The following STK3 variants were observed in gnomAD, a reference collection of about 807,000 sequenced individuals.
The protein encoded by STK3 is serine/threonine-protein kinase 3.
Under a neutral mutation model 58.0 loss-of-function variants are expected in STK3, and 41 were observed. The ratio of observed to expected loss-of-function variants is 0.71; its 90% confidence interval spans 0.55 to 0.92. The LOEUF is 0.92. Ranked by LOEUF, STK3 falls within the 40% of genes least tolerant of loss-of-function variation. The pLI, the probability that STK3 is intolerant of heterozygous loss-of-function variation, is 0.00. For synonymous variants in STK3, 170 were observed against 191.0 expected, an observed-to-expected ratio of 0.89 and a Z score of 0.91; for missense variants, 479 against 602.7, an observed-to-expected ratio of 0.79 and a Z score of 2.15.
intron 6 of STK3, among the ~76,000 whole-genome samples, chr8:98,676,317 A>G (rs1178457571): frequency 6.6e-6 from 1 of 152,226 alleles, no homozygotes; most frequent in African/African-American, 2.4e-5. Context: ...GAAAGTATTT[A>G]ATGCCACTTA....
At chr8:98,839,821 G>T (rs537304782) in intron 3 of STK3, among the ~76,000 whole-genome samples, 25 of 152,202 alleles carry the variant, frequency 1.6e-4, no homozygotes, top group African/African-American at 5.5e-4. Context: ...TATCTCAGGG[G>T]CACCTTGCGA....
At chr8:98,480,031 C>T (rs752237611) in intron 10 of STK3, among the ~76,000 whole-genome samples, 25 of 151,962 alleles carry the variant, frequency 1.6e-4, no homozygotes, top group Non-Finnish European at 2.8e-4. Context: ...GTGAAAATTA[C>T]CCAATCTGAA....
intron 10 of STK3, among the ~76,000 whole-genome samples, chr8:98,487,989 G>A (rs1822404291): frequency 2.6e-5 from 4 of 152,290 alleles, no homozygotes; most frequent in African/African-American, 9.6e-5. Context: ...ATCAAGAATT[G>A]GCACAACTTT....
intron 1 of STK3, among the ~76,000 whole-genome samples, chr8:98,896,523 C>A (rs1183444343): frequency 6.6e-6 from 1 of 152,162 alleles, no homozygotes; most frequent in African/African-American, 2.4e-5. Flanking sequence ...CACATAGTTT[C>A]ACAAACAGTA....
intron 3 of STK3, among the ~76,000 whole-genome samples, chr8:98,405,630 A>G (rs1369835376): frequency 6.6e-6 from 1 of 152,150 alleles, no homozygotes; most frequent in Non-Finnish European, 1.5e-5. Flanking sequence ...AAATGGTGAT[A>G]CTAAGGTGTA....
chr8:98,505,728 C>A (rs1393595686), intron 10 of STK3, among the ~76,000 whole-genome samples: 1 of 152,160 alleles, frequency 6.6e-6, no homozygotes, highest in African/African-American at 2.4e-5. Flanking sequence ...GTGGAGGCTG[C>A]AGAACAGCAA....
intron 3 of STK3, among the ~76,000 whole-genome samples, chr8:98,424,535 C>T (rs1402972293): frequency 6.6e-6 from 1 of 152,092 alleles, no homozygotes; most frequent in Non-Finnish European, 1.5e-5. Context: ...GGGGCCCAGG[C>T]AGAGCCTGGT....
At chr8:98,911,217 A>T (rs1246277584) in intron 1 of STK3, among the ~76,000 whole-genome samples, 1 of 152,136 alleles carries the variant, frequency 6.6e-6, no homozygotes, top group East Asian at 1.9e-4. Flanking sequence ...TGTCTTCCTC[A>T]AGTTCTAAAT....
chr8:98,505,248 T>C (rs906733822), intron 10 of STK3, among the ~76,000 whole-genome samples: 4 of 152,230 alleles, frequency 2.6e-5, no homozygotes, highest in African/African-American at 9.6e-5. Context: ...CATCAGGTCA[T>C]TTAAGGTCTT....
chr8:98,774,842 A>G (rs781016865), intron 1 of STK3, 23 bp from the exon 2 acceptor site: 1 of 1,509,612 alleles, frequency 6.6e-7, no homozygotes, highest in South Asian at 1.4e-5. Context: ...AGAAAGAAGA[A>G]AGAAAATATT....
chr8:98,830,004 A>T (rs1355344886), upstream of STK3, among the ~76,000 whole-genome samples: 1 of 152,056 alleles, frequency 6.6e-6, no homozygotes, highest in African/African-American at 2.4e-5. Flanking sequence ...AGGTGGGCGG[A>T]TCACTTGAGG....
At chr8:98,799,574 T>C (rs961867272) in intron 1 of STK3, among the ~76,000 whole-genome samples, 2 of 152,200 alleles carry the variant, frequency 1.3e-5, no homozygotes, top group Admixed American at 1.3e-4. Context: ...TGTCTACCTA[T>C]ATCTGCCTCC....
At chr8:98,526,647 T>C (rs1468523294) in intron 10 of STK3, 95 bp downstream of exon 10, 2 of 1,033,800 alleles carry the variant, frequency 1.9e-6, no homozygotes, top group Non-Finnish European at 2.6e-6. Flanking sequence ...TGTATATACA[T>C]ACACACAGTT....
At chr8:98,862,732 T>C (rs1046234012) in intron 3 of STK3, among the ~76,000 whole-genome samples, 3 of 152,240 alleles carry the variant, frequency 2.0e-5, no homozygotes, top group South Asian at 2.1e-4. Context: ...GGCGCTGGTA[T>C]CAGAGGGATT....
In STK3 at chr8:98,548,140, G is replaced by A; in HGVS notation, c.970C>T (p.His324Tyr). 3.2e-6 allele frequency: 5 copies of A among 1,563,842 alleles called. No individual in the cohort carries two copies. The highest frequency in any genetic ancestry group is 4.3e-6 in the Non-Finnish European group (5 of 1,157,044). Residue 324 changes from histidine to tyrosine, a missense_variant, in exon 9 of 11, where the codon CAC (histidine) becomes TAC (tyrosine). Transcript: ENST00000419617. Reference protein sequence around the residue: ...ENSDEDELDSHTMVKTSVESV... With the variant: ...ENSDEDELDSYTMVKTSVESV... Reference sequence around the variant, plus strand: ...TCCACACTAGTCTTCACCATGGTGTGGGAATCCAGCTCATCTTCATCCTGC... The same window carrying A: ...TCCACACTAGTCTTCACCATGGTGTAGGAATCCAGCTCATCTTCATCCTGC...
At chr8:98,582,841 T>C (rs1814039951) in intron 7 of STK3, among the ~76,000 whole-genome samples, 3 of 152,144 alleles carry the variant, frequency 2.0e-5, no homozygotes, top group Admixed American at 1.3e-4. Context: ...ATGATGTTTA[T>C]TTTTTGCCTA....
chr8:98,636,429 C>A (rs1408488706), intron 6 of STK3, among the ~76,000 whole-genome samples: 1 of 152,046 alleles, frequency 6.6e-6, no homozygotes, highest in Non-Finnish European at 1.5e-5. Context: ...CTATCATATG[C>A]CAGGCATTGT....
intron 10 of STK3, among the ~76,000 whole-genome samples, chr8:98,525,550 A>G (rs1825684850): frequency 6.6e-6 from 1 of 152,140 alleles, no homozygotes; most frequent in African/African-American, 2.4e-5. Context: ...TAAATAATTT[A>G]TAATTTTAAA....
rs150942383 is a variant in STK3 at position 98,763,035 on chromosome 8, C to A, written c.236+4208G>T. On this transcript the variant is annotated intron_variant, in intron 3 of 10. Coordinates refer to ENST00000419617, the MANE Select transcript of STK3 (RefSeq NM_006281.4). ...TTAAATATGCTTTAGCACTAGAAGA[C>A]TTTTCCTCAAATAAAAATTTCAAAA... 4.6e-5 allele frequency among the ~76,000 whole-genome samples: 7 copies of A among 152,288 alleles called. No homozygotes were observed. In the East Asian group the frequency reaches 1.3e-3, roughly 29 times the overall value.
Sources: gnomAD v4.1 joint callset for allele counts (sites outside exome capture counted in the v4.1 genomes callset) on GRCh38, gnomAD v4.1.1 for gene constraint, MANE v1.5 for transcripts, NCBI Gene and HGNC (gene_info 2026-07-23, HGNC 2026-07-21) for gene names.